The following BIVM variants were observed in gnomAD, a reference collection of about 807,000 sequenced individuals.
The protein encoded by BIVM is basic immunoglobulin-like variable motif-containing protein.
In BIVM, 31 loss-of-function variants were observed where a neutral mutation model predicts 61.4. The observed-to-expected ratio is 0.51, with a 90% CI of 0.38 to 0.68. The LOEUF (loss-of-function observed/expected upper bound fraction) is 0.68, where lower values mean the gene tolerates loss of function less well. BIVM is among the 30% of genes least tolerant of loss of function. The pLI, the probability that BIVM is intolerant of heterozygous loss-of-function variation, is 0.00. For synonymous variants in BIVM, 189 were observed against 210.7 expected (o/e 0.90, Z 0.89); for missense variants, 526 against 596.0 (o/e 0.88, Z 1.22).
At position 102,822,120 on chromosome 13, in the gene BIVM, T is replaced by C. The variant is rs1176875898; in HGVS notation, c.862T>C (p.Tyr288His). The C allele has an allele frequency of 6.2e-7, 1 of 1,614,036 alleles. No homozygotes were observed. The change falls in exon 7 of 11, where the codon TAT becomes CAT. Residue 288 changes from tyrosine (Y) to histidine (H), a missense_variant. Physicochemically the swap from Tyr to His is moderately conservative, Grantham distance 83. Coordinates refer to ENST00000257336, the MANE Select transcript of BIVM (RefSeq NM_017693.4). Reference sequence around the variant, plus strand: ...TGTAAAAGGATGCTCTTATGTTCTATATAAGCCTCATGGGAAGAATAAAAC... The same window carrying C: ...TGTAAAAGGATGCTCTTATGTTCTACATAAGCCTCATGGGAAGAATAAAAC... ...FHVKGCSYVL[Y>H]KPHGKNKTAG...
rs11843027 is a variant in BIVM, at chr13:102,810,784, G to C, written c.478+3039G>C. On this transcript the variant is annotated intron_variant, in intron 3 of 10. Coordinates refer to ENST00000257336, the MANE Select transcript of BIVM (RefSeq NM_017693.4). ...CTTGCTCTCTTGCCCAGGCTGGAGTGCAGTGGCACGACCATGGCTTACTGC... is the reference window on the plus strand; with the variant it reads ...CTTGCTCTCTTGCCCAGGCTGGAGTCCAGTGGCACGACCATGGCTTACTGC... Among the ~76,000 whole-genome samples, 396 of 152,296 alleles carry C rather than the reference G, an allele frequency of 2.6e-3. 1 individual carries two copies. Among genetic ancestry groups the C allele is most frequent in the African/African-American group, 9.4e-3 (390 of 41,556 alleles).
At chr13:102,812,209 A>G (rs959857804) in intron 3 of BIVM, among the ~76,000 whole-genome samples, 18 of 152,088 alleles carry the variant, frequency 1.2e-4, no homozygotes, top group Admixed American at 4.6e-4. Flanking sequence ...TTTTCAGCCC[A>G]AGAATTTATT....
chr13:102,811,913 G>GT, intron 3 of BIVM, among the ~76,000 whole-genome samples: 1 of 152,304 alleles, frequency 6.6e-6, no homozygotes. Context: ...TTATATTCAT[G>GT]TTTTTTAAAT....
rs772538521 is a variant in BIVM at position 102,839,708 on chromosome 13, A to G, written c.1355A>G (p.Glu452Gly). Residue 452 changes from glutamate to glycine, a missense_variant, in exon 11 of 11, where the codon GAG becomes GGG. Physicochemically the swap from Glu to Gly is moderately conservative, Grantham distance 98. Around this residue, in one of 3 missense-constraint regions of BIVM, gnomAD observed 210 missense variants for 233.1 expected, o/e 0.90. Coordinates refer to ENST00000257336, the MANE Select transcript of BIVM (RefSeq NM_017693.4). ...PTHAQGIAKS[E>G]SEDNISKKQH... is the part of the protein sequence containing the mutation. ...CATGCCCAGGGAATTGCCAAATCTG[A>G]GAGTGAAGACAATATTTCCAAGAAG... 5 of 1,614,200 alleles carry G rather than the reference A, an allele frequency of 3.1e-6. No individual in the cohort carries two copies. The South Asian group carries it at 5.5e-5, about 18-fold the overall frequency.
At position 102,807,049 on chromosome 13, in the gene BIVM, A is replaced by G. The variant is rs1879156260; in HGVS notation, c.-122-97A>G. The G allele has an allele frequency of 6.9e-6, 3 of 437,544 alleles. No individual in the cohort carries two copies. Among genetic ancestry groups the G allele is most frequent in the Non-Finnish European group, 1.2e-5 (3 of 249,054 alleles). 27.1% of individuals were successfully genotyped at this position (437,544 alleles called of 1,614,324 possible). ...CATATAGTAGTTGTAAAATTAATAT[A>G]GAATGAAGGCATATGTATGCATAAA... On this transcript the variant is annotated intron_variant, in intron 2 of 10. Coordinates refer to ENST00000257336, the MANE Select transcript of BIVM (RefSeq NM_017693.4). This position sits in a 1 kb window ranked among gnomAD's most constrained non-coding sequence, Gnocchi z 4.0.
chr13:102,829,676 T>C (rs1880925791), intron 7 of BIVM, among the ~76,000 whole-genome samples: 1 of 151,830 alleles, frequency 6.6e-6, no homozygotes, highest in African/African-American at 2.4e-5. Context: ...CCGTCTCTAC[T>C]AAAAATACAA....
At chr13:102,823,841 C>T (rs566253418) in intron 7 of BIVM, among the ~76,000 whole-genome samples, 1 of 152,220 alleles carries the variant, frequency 6.6e-6, no homozygotes, top group Non-Finnish European at 1.5e-5. Context: ...CTCATATTTT[C>T]AAACCCTTTT....
At position 102,816,311 on chromosome 13, in the gene BIVM, C is replaced by T. The variant is rs1346163006; in HGVS notation, c.479-117C>T. 3.9e-6 allele frequency: 4 copies of T among 1,034,444 alleles called. No homozygotes were observed. In the South Asian group the frequency reaches 8.9e-5, roughly 23 times the overall value. The allele number at this position is 1,034,444 out of a possible 1,614,324, so 64.1% of individuals were successfully genotyped here. ...TATTTGTTATTATTTTTTCTTTGCA[C>T]TTTCTCAGCAGAATTATTAAGGCAG... is the stretch of plus-strand genomic sequence containing the variant. On this transcript the variant is annotated intron_variant, in intron 3 of 10. Coordinates refer to ENST00000257336, the MANE Select transcript of BIVM (RefSeq NM_017693.4).
At chr13:102,820,041 C>G (rs371076217) in intron 4 of BIVM, among the ~76,000 whole-genome samples, 25 of 152,084 alleles carry the variant, frequency 1.6e-4, no homozygotes, top group African/African-American at 5.8e-4. Flanking sequence ...ACATTATCTC[C>G]CCCCACAACC....
intron 3 of BIVM, among the ~76,000 whole-genome samples, chr13:102,810,721 T>C (rs1415850779): frequency 6.6e-6 from 1 of 152,206 alleles, no homozygotes; most frequent in Non-Finnish European, 1.5e-5. Flanking sequence ...ATTATAATAA[T>C]AGCTTTTTTA....
chr13:102,817,119 C>A (rs1047567382), intron 4 of BIVM, among the ~76,000 whole-genome samples: 2 of 152,158 alleles, frequency 1.3e-5, no homozygotes, highest in African/African-American at 2.4e-5. Context: ...CCATAATTCT[C>A]TCAATCTAGG....
rs1881645347 is a variant in BIVM at position 102,838,747 on chromosome 13, G to C, written c.1218+8G>C. ...TATAGAAAAACAAAGAAGGTAAGAA[G>C]AACACCATTGTGTTTGAAGGCATTT... is the stretch of plus-strand genomic sequence containing the variant. On this transcript the variant is annotated splice_region_variant and intron_variant, in intron 10 of 10. Transcript: ENST00000257336. 8.1e-6 allele frequency: 13 copies of C among 1,608,478 alleles called. No homozygotes were observed. The highest frequency in any genetic ancestry group is 1.7e-4 in the Middle Eastern group (1 of 6,032).
At chr13:102,821,509 A>G (rs1243882393) in intron 5 of BIVM, among the ~76,000 whole-genome samples, 1 of 152,144 alleles carries the variant, frequency 6.6e-6, no homozygotes, top group Non-Finnish European at 1.5e-5. Context: ...GACTGAGGCA[A>G]GAGGATCACT....
rs1881643227 is a variant in BIVM at position 102,838,703 on chromosome 13, C to T, written c.1182C>T (p.His394=). 6.2e-7 allele frequency: 1 copy of T among 1,613,222 alleles called. No individual in the cohort carries two copies. Among genetic ancestry groups the T allele is most frequent in the Non-Finnish European group, 8.5e-7 (1 of 1,179,594 alleles). The change falls in exon 10 of 11, where the codon CAC becomes CAT. Residue 394 remains histidine (H), a synonymous_variant. Transcript: ENST00000257336. The stretch of plus-strand genomic sequence containing the variant: ...ATCCAGAATACCTGGATATCCGGCA[C>T]TTAGAGAGGGGACTGCAGTATAGAA... The part of the protein sequence containing the change: ...TQNPEYLDIR[H]LERGLQYRKT...
intron 7 of BIVM, among the ~76,000 whole-genome samples, chr13:102,831,144 A>C (rs1881038452): frequency 1.3e-5 from 2 of 152,220 alleles, no homozygotes. Context: ...TCTTTTATAA[A>C]GACATATTAG....
intron 4 of BIVM, among the ~76,000 whole-genome samples, chr13:102,818,879 G>A (rs1490189185): frequency 6.6e-6 from 1 of 152,130 alleles, no homozygotes; most frequent in Non-Finnish European, 1.5e-5. Context: ...CAAATTTAGT[G>A]TTATGAGAAA....
intron 1 of BIVM, among the ~76,000 whole-genome samples, chr13:102,802,704 A>T (rs1878815934): frequency 6.6e-6 from 1 of 151,940 alleles, no homozygotes; most frequent in Non-Finnish European, 1.5e-5. Context: ...AAACAAACTA[A>T]AAACACAAAC....
intron 1 of BIVM, among the ~76,000 whole-genome samples, chr13:102,803,988 T>G (rs1226895374): frequency 4.6e-5 from 7 of 152,178 alleles, no homozygotes; most frequent in African/African-American, 1.7e-4. Flanking sequence ...GAGGACCCAC[T>G]ACAACTACTC....
intron 7 of BIVM, among the ~76,000 whole-genome samples, chr13:102,824,505 G>A (rs937684270): frequency 1.3e-5 from 2 of 152,186 alleles, no homozygotes; most frequent in Non-Finnish European, 2.9e-5. Context: ...TAACCTAGAG[G>A]AGCAGTAGTT....
Sources: allele counts gnomAD v4.1 joint callset (sites outside exome capture counted in the v4.1 genomes callset), GRCh38; gene constraint gnomAD v4.1.1; regional missense constraint gnomAD v4.1.1; non-coding constraint Gnocchi (gnomAD v3.1); transcripts MANE v1.5; gene names NCBI Gene and HGNC (gene_info 2026-07-23, HGNC 2026-07-21).